SPAG16: variants seen among roughly 807,000 people sequenced by gnomAD.
SPAG16 encodes sperm-associated antigen 16 protein.
A neutral mutation model predicts 80.4 loss-of-function variants in SPAG16; 86 were observed. The observed-to-expected ratio is 1.07, with a 90% CI of 0.90 to 1.28. The LOEUF is 1.28. Among genes scored for constraint, SPAG16 ranks in the 50% most tolerant of loss-of-function variants. SPAG16 has a pLI of 0.00. For synonymous variants in SPAG16, 294 were observed against 265.9 expected (o/e 1.11, Z -1.03); for missense variants, 870 against 765.3 (o/e 1.14, Z -1.61).
chr2:213,303,905 A>G (rs2062842293), intron 3 of SPAG16, among the ~76,000 whole-genome samples: 1 of 152,114 alleles, frequency 6.6e-6, no homozygotes, highest in Admixed American at 6.6e-5. Flanking sequence ...TGGTAGTAGG[A>G]TTGCTGAATC....
At chr2:213,875,219 G>A (rs1460354036) in intron 11 of SPAG16, among the ~76,000 whole-genome samples, 1 of 151,778 alleles carries the variant, frequency 6.6e-6, no homozygotes, top group African/African-American at 2.4e-5. Flanking sequence ...TCTAAAAAGT[G>A]TCCCAATTTT....
Position 214,371,733 on chromosome 2 carries a change from T to C in SPAG16, c.1721-38407T>C, listed in dbSNP as rs1010836088. ...TCTCACTCAGTCGTCCAGGCTGGAG[T>C]GCAATGGCGTGATCTTGGCTCACTG... On this transcript the variant is annotated intron_variant, in intron 15 of 15. Transcript: ENST00000331683. Among the ~76,000 whole-genome samples, 35 of 147,808 alleles carry C rather than the reference T, an allele frequency of 2.4e-4. 1 individual carries two copies. In the East Asian group the frequency reaches 6.6e-3, roughly 28 times the overall value.
intron 10 of SPAG16, among the ~76,000 whole-genome samples, chr2:213,797,548 A>G (rs2071122002): frequency 6.6e-6 from 1 of 152,226 alleles, no homozygotes; most frequent in Admixed American, 6.5e-5. Flanking sequence ...TAGAAGCAAT[A>G]GGCTAGACCA....
chr2:214,296,651 C>A (rs568015801), intron 15 of SPAG16, among the ~76,000 whole-genome samples: 1 of 152,174 alleles, frequency 6.6e-6, no homozygotes, highest in Middle Eastern at 3.4e-3. Flanking sequence ...TGATGTTTAC[C>A]TTTTATTACA....
intron 13 of SPAG16, among the ~76,000 whole-genome samples, chr2:214,059,291 T>TA (rs1425174816): frequency 6.8e-6 from 1 of 147,802 alleles, no homozygotes; most frequent in East Asian, 2.0e-4. Flanking sequence ...AGAATTTTTG[T>TA]AAAAAATTTC....
intron 10 of SPAG16, among the ~76,000 whole-genome samples, chr2:213,680,281 C>A (rs1465715948): frequency 6.6e-6 from 1 of 152,058 alleles, no homozygotes; most frequent in Non-Finnish European, 1.5e-5. Context: ...GCTGGGGGAC[C>A]TTATCCACAG....
At chr2:214,292,110 C>T (rs2125932860) in intron 15 of SPAG16, among the ~76,000 whole-genome samples, 1 of 152,152 alleles carries the variant, frequency 6.6e-6, no homozygotes, top group East Asian at 1.9e-4. Context: ...TCTGCTGAGC[C>T]CCAGTGTTAG....
At chr2:213,563,115 T>C (rs1416428256) in intron 10 of SPAG16, among the ~76,000 whole-genome samples, 1 of 152,106 alleles carries the variant, frequency 6.6e-6, no homozygotes, top group South Asian at 2.1e-4. Flanking sequence ...TTTATTTTTT[T>C]AGTTTTTCAT....
intron 9 of SPAG16, 103 bp downstream of exon 9, chr2:213,375,222 A>T: frequency 1.2e-6 from 1 of 832,554 alleles, no homozygotes; most frequent in Non-Finnish European, 1.8e-6. Flanking sequence ...AGGAATTTAG[A>T]GGTTATATAT....
chr2:213,381,816 C>T (rs574220884), intron 9 of SPAG16, among the ~76,000 whole-genome samples: 1 of 152,272 alleles, frequency 6.6e-6, no homozygotes, highest in Non-Finnish European at 1.5e-5. Context: ...AACCAGTCAG[C>T]CAGACTGATA....
At chr2:213,870,970 TTGAA>T (rs1413659504) in intron 11 of SPAG16, among the ~76,000 whole-genome samples, 1 of 152,140 alleles carries the variant, frequency 6.6e-6, no homozygotes. Flanking sequence ...ATAAACAGAA[TTGAA>T]GATGCGAGAC....
chr2:213,596,270 GA>G (rs1284502040), intron 10 of SPAG16, among the ~76,000 whole-genome samples: 5 of 152,020 alleles, frequency 3.3e-5, no homozygotes, highest in Admixed American at 6.5e-5. Context: ...TTTGAACTTT[GA>G]AAAAATATGT....
chr2:213,872,326 T>G (rs1479845063), intron 11 of SPAG16, among the ~76,000 whole-genome samples: 1 of 121,658 alleles, frequency 8.2e-6, no homozygotes, highest in East Asian at 2.4e-4. Flanking sequence ...TGTAAGAGAG[T>G]AACTTCATGT....
At chr2:213,441,600 G>T (rs2070960297) in intron 9 of SPAG16, among the ~76,000 whole-genome samples, 1 of 152,134 alleles carries the variant, frequency 6.6e-6, no homozygotes, top group South Asian at 2.1e-4. Flanking sequence ...GAATTGAGCT[G>T]CACACATAGA....
chr2:213,893,837 G>C (rs2076886699), intron 11 of SPAG16, among the ~76,000 whole-genome samples: 2 of 151,996 alleles, frequency 1.3e-5, no homozygotes, highest in South Asian at 4.1e-4. Context: ...AGAAAGAAAG[G>C]AAGAGATGAA....
chr2:214,031,687 A>G (rs543522413), intron 13 of SPAG16, among the ~76,000 whole-genome samples: 1 of 152,188 alleles, frequency 6.6e-6, no homozygotes, highest in East Asian at 1.9e-4. Flanking sequence ...TACGAAGAAA[A>G]CAGGTTTAAT....
At chr2:213,684,896 C>A (rs113725368) in intron 10 of SPAG16, among the ~76,000 whole-genome samples, 1,985 of 152,276 alleles carry the variant, frequency 0.013, 19 homozygotes, top group South Asian at 0.036. Context: ...TTAAGTCATA[C>A]TACAATGCAA....
chr2:213,764,783 A>T (rs2068844156), intron 10 of SPAG16, among the ~76,000 whole-genome samples: 1 of 152,180 alleles, frequency 6.6e-6, no homozygotes, highest in Admixed American at 6.5e-5. Flanking sequence ...TATTTTAATT[A>T]TATGAAGTAT....
At chr2:214,152,755 A>G (rs1471781638) in intron 15 of SPAG16, among the ~76,000 whole-genome samples, 2 of 152,144 alleles carry the variant, frequency 1.3e-5, no homozygotes, top group Non-Finnish European at 2.9e-5. Context: ...GTCATCTCCA[A>G]TGATAGGTAA....
Sources: allele counts gnomAD v4.1 joint callset (sites outside exome capture counted in the v4.1 genomes callset), GRCh38; gene constraint gnomAD v4.1.1; transcripts MANE v1.5; gene names NCBI Gene and HGNC (gene_info 2026-07-23, HGNC 2026-07-21).